Variants in PTPN2 observed in about 807,000 individuals in gnomAD.
PTPN2 encodes the protein protein tyrosine phosphatase non-receptor type 2, also known as tyrosine-protein phosphatase non-receptor type 2.
Under a neutral mutation model 57.3 loss-of-function variants are expected in PTPN2, and 19 were observed. That is an observed-to-expected ratio of 0.33 (90% CI 0.23 to 0.49). The LOEUF is 0.49. PTPN2 is among the 20% of genes least tolerant of loss of function. PTPN2 has a pLI of 0.99. For synonymous variants in PTPN2, 153 were observed against 164.9 expected, an observed-to-expected ratio of 0.93 and a Z score of 0.55; for missense variants, 358 against 501.1, an observed-to-expected ratio of 0.71 and a Z score of 2.73.
chr18:12,884,018 C>A (rs1175625089), intron 1 of PTPN2, 55 bp downstream of exon 1: 22 of 1,460,980 alleles, frequency 1.5e-5, no homozygotes, highest in Middle Eastern at 1.8e-4. Flanking sequence ...GCGGACAGGG[C>A]ACGAGTCCGG....
intron 4 of PTPN2, among the ~76,000 whole-genome samples, chr18:12,826,812 A>G (rs2042479090): frequency 6.6e-6 from 1 of 151,842 alleles, no homozygotes. Context: ...CAAGTGAACC[A>G]CCAACCTCAG....
At chr18:12,817,862 C>T (rs556687603) in intron 5 of PTPN2, among the ~76,000 whole-genome samples, 10 of 152,182 alleles carry the variant, frequency 6.6e-5, no homozygotes, top group Admixed American at 2.0e-4. Context: ...AAATTTCTGC[C>T]GGGTGCAATG....
At chr18:12,861,963 T>C (rs1367132313) in intron 1 of PTPN2, 1 of 152,204 alleles carries the variant, frequency 6.6e-6, no homozygotes, top group Non-Finnish European at 1.5e-5. Flanking sequence ...GTTCTTGGGG[T>C]TAAGAAATAC....
chr18:12,870,273 G>GTGTA (rs1387363838), intron 1 of PTPN2, among the ~76,000 whole-genome samples: 6 of 81,748 alleles, frequency 7.3e-5, no homozygotes, highest in African/African-American at 4.2e-4. Flanking sequence ...ATATATATAT[G>GTGTA]TATATATATA....
intron 5 of PTPN2, chr18:12,819,400 T>C: frequency 4.4e-6 from 2 of 456,526 alleles, no homozygotes; most frequent in Non-Finnish European, 7.7e-6. Flanking sequence ...AAAGGCTATA[T>C]ACTATACTAT....
chr18:12,837,890 T>C (rs2042920223), intron 2 of PTPN2, among the ~76,000 whole-genome samples: 1 of 152,226 alleles, frequency 6.6e-6, no homozygotes, highest in African/African-American at 2.4e-5. Flanking sequence ...AAGACCTCTG[T>C]AAATATTACA....
chr18:12,846,757 A>G (rs771831250), intron 2 of PTPN2, among the ~76,000 whole-genome samples: 7 of 152,238 alleles, frequency 4.6e-5, no homozygotes, highest in Non-Finnish European at 1.0e-4. Context: ...CCCAGTGGAC[A>G]GGGATAAGAA....
At chr18:12,791,856 G>A (rs1478015179), downstream of PTPN2, among the ~76,000 whole-genome samples, 1 of 152,154 alleles carries the variant, frequency 6.6e-6, no homozygotes, top group Admixed American at 6.5e-5. Context: ...CGTCCTCTCT[G>A]GCACTGGCTT....
At chr18:12,786,809 C>A (rs375014650) in intron 9 of PTPN2, 2 of 152,306 alleles carry the variant, frequency 1.3e-5, no homozygotes, top group East Asian at 3.9e-4. Context: ...GTACCAAGCA[C>A]CTTGGTGTTC....
chr18:12,847,611 T>A (rs1311000824), intron 2 of PTPN2, among the ~76,000 whole-genome samples: 1 of 150,778 alleles, frequency 6.6e-6, no homozygotes, highest in Non-Finnish European at 1.5e-5. Flanking sequence ...TTGATTAAAA[T>A]TAAAGATTTT....
At chr18:12,872,375 G>C (rs749662821) in intron 1 of PTPN2, 14 of 152,216 alleles carry the variant, frequency 9.2e-5, no homozygotes, top group Non-Finnish European at 1.9e-4. Flanking sequence ...AATGAAAGCA[G>C]TTTGAAAAAA....
chr18:12,883,345 G>T (rs994453776), intron 1 of PTPN2, among the ~76,000 whole-genome samples: 1 of 152,246 alleles, frequency 6.6e-6, no homozygotes. Flanking sequence ...TTCTATGGGG[G>T]CCGAACCCAC....
At chr18:12,855,385 A>C (rs1293759843) in intron 2 of PTPN2, among the ~76,000 whole-genome samples, 1 of 152,108 alleles carries the variant, frequency 6.6e-6, no homozygotes, top group Non-Finnish European at 1.5e-5. Flanking sequence ...GAAAACACAC[A>C]AAAAGCAGTG....
rs1157587336 is a variant in PTPN2, at chr18:12,840,429, A to AT, written c.161-3539dup. 3.9e-5 allele frequency among the ~76,000 whole-genome samples: 6 copies of AT among 152,230 alleles called. No individual in the cohort carries two copies. The East Asian group carries it at 1.2e-3, about 29-fold the overall frequency. On this transcript the variant is annotated intron_variant, in intron 2 of 8. Coordinates refer to ENST00000309660, the MANE Select transcript of PTPN2 (RefSeq NM_002828.4). ...ACTTTAGTACACATAGAATATTAAC[A>AT]TTTCAATTGTTTGCTCTGCAAAGAA... is the stretch of plus-strand genomic sequence containing the variant.
intron 2 of PTPN2, among the ~76,000 whole-genome samples, chr18:12,841,800 A>T (rs769135521): frequency 2.6e-5 from 4 of 152,258 alleles, no homozygotes; most frequent in Non-Finnish European, 5.9e-5. Context: ...TCTTTACAAA[A>T]TAGGTAAAAT....
chr18:12,838,618 T>C (rs747444609), intron 2 of PTPN2, among the ~76,000 whole-genome samples: 1 of 152,204 alleles, frequency 6.6e-6, no homozygotes, highest in Non-Finnish European at 1.5e-5. Context: ...CCCCTGGCAG[T>C]GGCCTCGCTT....
chr18:12,841,139 T>C, intron 2 of PTPN2: 1 of 296,748 alleles, frequency 3.4e-6, no homozygotes, highest in Non-Finnish European at 5.0e-6. Context: ...GCTTGAGTAG[T>C]TGCTACCTGA....
At chr18:12,794,526 A>C in intron 8 of PTPN2, 41 bp from the exon 9 acceptor site, 1 of 1,603,092 alleles carries the variant, frequency 6.2e-7, no homozygotes, top group East Asian at 2.2e-5. Context: ...GTGCACACAG[A>C]GCAGGACTTG....
chr18:12,865,014 T>C (rs1314125328), intron 1 of PTPN2, among the ~76,000 whole-genome samples: 1 of 152,220 alleles, frequency 6.6e-6, no homozygotes, highest in African/African-American at 2.4e-5. Flanking sequence ...ATTCCAAAAG[T>C]ATACTTCACA....
Sources: gnomAD v4.1 joint callset for allele counts (sites outside exome capture counted in the v4.1 genomes callset) on GRCh38, gnomAD v4.1.1 for gene constraint, MANE v1.5 for transcripts, NCBI Gene and HGNC (gene_info 2026-07-23, HGNC 2026-07-21) for gene names.